RBM33: variants seen among roughly 807,000 people sequenced by gnomAD.
RBM33 encodes the protein RNA-binding protein 33.
Under a neutral mutation model 132.6 loss-of-function variants are expected in RBM33, and 28 were observed. That is an observed-to-expected ratio of 0.21 (90% confidence interval 0.16 to 0.29). The LOEUF (loss-of-function observed/expected upper bound fraction) is 0.29. Among genes scored for constraint, RBM33 ranks in the 10% least tolerant of loss-of-function variants. RBM33 has a pLI of 1.00. For missense variants in RBM33, 1,291 were observed against 1,518.5 expected (o/e 0.85, Z 2.49); for synonymous variants, 634 against 593.0 (o/e 1.07, Z -1.01).
At chr7:155,728,289 C>T (rs773167448) in intron 9 of RBM33, among the ~76,000 whole-genome samples, 3 of 152,154 alleles carry the variant, frequency 2.0e-5, no homozygotes, top group Non-Finnish European at 4.4e-5. Context: ...AGCCTCTCCA[C>T]CTGTAAAGGT....
chr7:155,722,473 A>C (rs1174439104), intron 9 of RBM33, among the ~76,000 whole-genome samples: 1 of 152,190 alleles, frequency 6.6e-6, no homozygotes, highest in African/African-American at 2.4e-5. Context: ...TTTCCATTTC[A>C]GATGTTCTCT....
chr7:155,710,405 G>A (rs12670060), intron 7 of RBM33, among the ~76,000 whole-genome samples: 96,830 of 152,066 alleles, frequency 0.64, 31,923 homozygotes, highest in South Asian at 0.77. Context: ...TGACCGTATA[G>A]TAGGAACTTA....
chr7:155,758,911 A>C lies in RBM33; in HGVS notation c.2980-4901A>C, dbSNP rs548546135. Among the ~76,000 whole-genome samples the C allele has an allele frequency of 1.9e-4, 29 of 152,098 alleles. No individual in the cohort carries two copies. The South Asian group carries it at 5.8e-3, about 30-fold the overall frequency. On this transcript the variant is annotated intron_variant, in intron 14 of 17. Coordinates refer to ENST00000401878, the MANE Select transcript of RBM33 (RefSeq NM_053043.3). Reference sequence around the variant, plus strand: ...TCCCAACCTGCCACTGGGACCGAAGAGTCTGTCAGTCTGGGCCCAAGAGCT... The same window carrying C: ...TCCCAACCTGCCACTGGGACCGAAGCGTCTGTCAGTCTGGGCCCAAGAGCT...
At chr7:155,667,752 G>C (rs374107567) in intron 2 of RBM33, among the ~76,000 whole-genome samples, 3 of 152,130 alleles carry the variant, frequency 2.0e-5, no homozygotes, top group South Asian at 4.1e-4. Flanking sequence ...TCCCTTCCTT[G>C]TATTCTAGAT....
chr7:155,742,230 T>A, intron 13 of RBM33, 124 bp downstream of exon 13: 1 of 131,116 alleles, frequency 7.6e-6, no homozygotes, highest in African/African-American at 5.5e-5. Context: ...CACCTGGGTC[T>A]TTTTTTTTTT....
intron 14 of RBM33, among the ~76,000 whole-genome samples, chr7:155,758,280 T>C (rs919275234): frequency 6.6e-6 from 1 of 152,230 alleles, no homozygotes; most frequent in African/African-American, 2.4e-5. Context: ...TTTTATGATA[T>C]CATTTGTTGC....
chr7:155,646,829 A>G (rs1798210813), intron 1 of RBM33, among the ~76,000 whole-genome samples: 1 of 152,228 alleles, frequency 6.6e-6, no homozygotes, highest in Admixed American at 6.5e-5. Flanking sequence ...CATGAGGACA[A>G]AAATGCTACC....
chr7:155,699,350 A>G (rs1409525433), intron 5 of RBM33, among the ~76,000 whole-genome samples: 3 of 152,198 alleles, frequency 2.0e-5, no homozygotes, highest in Non-Finnish European at 4.4e-5. Flanking sequence ...CTGCTTTTCA[A>G]CATGATTCCC....
intron 13 of RBM33, among the ~76,000 whole-genome samples, chr7:155,744,304 C>G (rs1379507921): frequency 6.6e-6 from 1 of 152,124 alleles, no homozygotes; most frequent in Non-Finnish European, 1.5e-5. Flanking sequence ...TTGAAAGTTA[C>G]TGGAGTTTTT....
In RBM33 at chr7:155,650,383, C is replaced by T. The variant is rs1462119133; in HGVS notation, c.43+5464C>T. Among the ~76,000 whole-genome samples the T allele has an allele frequency of 1.3e-5, 2 of 152,194 alleles. 1 individual carries two copies. The highest frequency in any genetic ancestry group is 2.9e-5 in the Non-Finnish European group (2 of 68,032). ...ATCTGTTGTGATTATGTGTTCTTCCCCTGTTCTTTAATCTCTTAATGTAAT... is the reference window on the plus strand; with the variant it reads ...ATCTGTTGTGATTATGTGTTCTTCCTCTGTTCTTTAATCTCTTAATGTAAT... On this transcript the variant is annotated intron_variant, in intron 1 of 17. Coordinates refer to ENST00000401878, the MANE Select transcript of RBM33 (RefSeq NM_053043.3).
Position 155,711,446 on chromosome 7 carries a change from C to G in RBM33, c.1192C>G (p.Pro398Ala), listed in dbSNP as rs762954663. 7.5e-6 allele frequency: 11 copies of G among 1,457,658 alleles called. No individual in the cohort carries two copies. The highest frequency in any genetic ancestry group is 9.1e-6 in the Non-Finnish European group (10 of 1,102,718). The allele number at this position is 1,457,658 out of a possible 1,614,324, so 90.3% of individuals were successfully genotyped here. ...GCACTTCAAAGGGACGGTGGTCACG[C>G]CTGTTCAAGGTCTGTGTTTCCTTTT... ...NPHFKGTVVT[P>A]VQVPLLPVPS... Residue 398 changes from proline (P) to alanine (A), a missense_variant, in exon 8 of 18, where the codon CCT becomes GCT. Coordinates refer to ENST00000401878, the MANE Select transcript of RBM33 (RefSeq NM_053043.3).
At chr7:155,696,881 C>T (rs1242712477) in intron 5 of RBM33, among the ~76,000 whole-genome samples, 2 of 152,026 alleles carry the variant, frequency 1.3e-5, no homozygotes, top group African/African-American at 2.4e-5. Flanking sequence ...AAGTGCTGGC[C>T]GAGTATGCTG....
intron 5 of RBM33, among the ~76,000 whole-genome samples, chr7:155,689,270 A>G (rs185197137): frequency 0.031 from 4,733 of 152,178 alleles, 236 homozygotes; most frequent in African/African-American, 0.11. Context: ...AGAGGTGTTT[A>G]TAGTATTCTC....
At chr7:155,710,683 C>G (rs1388621263) in intron 7 of RBM33, among the ~76,000 whole-genome samples, 1 of 152,142 alleles carries the variant, frequency 6.6e-6, no homozygotes, top group Non-Finnish European at 1.5e-5. Flanking sequence ...AGGTGTCACC[C>G]TCTCAGAGAA....
chr7:155,715,799 G>A (rs887463175), intron 8 of RBM33, among the ~76,000 whole-genome samples: 2 of 152,214 alleles, frequency 1.3e-5, no homozygotes, highest in African/African-American at 4.8e-5. Flanking sequence ...TCTTGAGAGA[G>A]ACTGAATATC....
chr7:155,775,353 CTA>C lies in RBM33; in HGVS notation c.*314_*315del. On this transcript the variant is annotated 3_prime_UTR_variant, in exon 18 of 18. Coordinates refer to ENST00000401878, the MANE Select transcript of RBM33 (RefSeq NM_053043.3). ...AGACATTGTTCTTTGTGGTCTGACT[CTA>C]TGATCGATCACAGTGACTTAGATTC... 2.0e-6 allele frequency: 1 copy of C among 504,182 alleles called. No individual in the cohort carries two copies. The highest frequency in any genetic ancestry group is 3.6e-6 in the Non-Finnish European group (1 of 275,706). 31.2% of individuals were successfully genotyped at this position (504,182 alleles called of 1,614,324 possible).
At chr7:155,707,643 T>C (rs929284613) in intron 7 of RBM33, among the ~76,000 whole-genome samples, 1 of 152,046 alleles carries the variant, frequency 6.6e-6, no homozygotes, top group African/African-American at 2.4e-5. Context: ...AAGACAGAAA[T>C]TATTGATTTT....
intron 14 of RBM33, among the ~76,000 whole-genome samples, chr7:155,760,569 A>C (rs1428129434): frequency 2.6e-5 from 4 of 152,244 alleles, no homozygotes; most frequent in African/African-American, 7.2e-5. Flanking sequence ...TGAATTTATG[A>C]ATCTCATACT....
At chr7:155,646,253 G>A (rs1476122327) in intron 1 of RBM33, among the ~76,000 whole-genome samples, 1 of 152,106 alleles carries the variant, frequency 6.6e-6, no homozygotes, top group African/African-American at 2.4e-5. Flanking sequence ...TGGAATATAT[G>A]CTTGTGTATT....
Sources: gnomAD v4.1 joint callset for allele counts (sites outside exome capture counted in the v4.1 genomes callset) on GRCh38, gnomAD v4.1.1 for gene constraint, MANE v1.5 for transcripts, NCBI Gene and HGNC (gene_info 2026-07-23, HGNC 2026-07-21) for gene names.